The following RANBP2 variants were observed in gnomAD, a reference collection of about 807,000 sequenced individuals.
RANBP2 encodes RAN binding protein 2, also known as E3 SUMO-protein ligase RanBP2.
Under a neutral mutation model 303.6 loss-of-function variants are expected in RANBP2, and 57 were observed. That is an observed-to-expected ratio of 0.19 (90% CI 0.15 to 0.23). The LOEUF is 0.23. RANBP2 is among the 10% of genes least tolerant of loss of function. The probability of loss-of-function intolerance (pLI) is 1.00; values close to 1 mark genes in which losing one functional copy is unlikely to be tolerated. For missense variants in RANBP2, 3,138 were observed against 3,780.8 expected, an observed-to-expected ratio of 0.83 and a Z score of 4.46; for synonymous variants, 1,167 against 1,301.5, an observed-to-expected ratio of 0.90 and a Z score of 2.23.
At chr2:109,451,437 C>G in the RANBP2 span, among the ~76,000 whole-genome samples, 10 of 152,204 alleles carry the variant, frequency 6.6e-5, no homozygotes, top group Non-Finnish European at 1.2e-4. Flanking sequence ...GTTCCTTAAG[C>G]ATTTCTAGTT....
At chr2:109,478,924 A>G in the RANBP2 span, among the ~76,000 whole-genome samples, 1 of 152,174 alleles carries the variant, frequency 6.6e-6, no homozygotes. Context: ...GGGGCAGGGC[A>G]TGACAGGAAG....
chr2:109,130,179 G>C, the RANBP2 span: 3 of 1,238,006 alleles, frequency 2.4e-6, no homozygotes, highest in Non-Finnish European at 2.0e-6. Flanking sequence ...GCTTGGGCGT[G>C]GGGGGCAGTG....
chr2:109,594,622 C>T, the RANBP2 span: 4 of 152,266 alleles, frequency 2.6e-5, no homozygotes, highest in Non-Finnish European at 5.9e-5. Flanking sequence ...TCTGCAATTA[C>T]AATGAACCAT....
chr2:109,498,062 C>T, the RANBP2 span, among the ~76,000 whole-genome samples: 4 of 152,296 alleles, frequency 2.6e-5, no homozygotes, highest in South Asian at 8.3e-4. Flanking sequence ...TGCATCCCGG[C>T]AGCCATCTGT....
At chr2:108,996,872 C>A in the RANBP2 span, among the ~76,000 whole-genome samples, 1 of 152,192 alleles carries the variant, frequency 6.6e-6, no homozygotes, top group Non-Finnish European at 1.5e-5. Flanking sequence ...GTGGCCCCAC[C>A]ATCTGCCTCT....
chr2:109,414,300 C>T, the RANBP2 span, among the ~76,000 whole-genome samples: 1 of 152,212 alleles, frequency 6.6e-6, no homozygotes, highest in African/African-American at 2.4e-5. Context: ...ACTTCATACT[C>T]CAGCTGTCTA....
At chr2:109,114,071 A>G in the RANBP2 span, among the ~76,000 whole-genome samples, 1 of 152,178 alleles carries the variant, frequency 6.6e-6, no homozygotes, top group Admixed American at 6.5e-5. Flanking sequence ...ATCAATGTTC[A>G]TCAAGGATAT....
intron 2 of RANBP2, 98 bp downstream of exon 2, chr2:108,729,297 C>G: frequency 7.8e-7 from 1 of 1,279,958 alleles, no homozygotes; most frequent in Non-Finnish European, 1.1e-6. Flanking sequence ...AGTAGTTCTT[C>G]CTAAGTGTAT....
At chr2:109,545,498 G>A in the RANBP2 span, 2 of 1,536,078 alleles carry the variant, frequency 1.3e-6, no homozygotes, top group South Asian at 2.4e-5. Context: ...GGTTTCACAA[G>A]CTCTGACATC....
At chr2:109,406,775 A>G in the RANBP2 span, among the ~76,000 whole-genome samples, 6 of 152,078 alleles carry the variant, frequency 3.9e-5, no homozygotes, top group East Asian at 3.9e-4. Flanking sequence ...CTCCAGGACC[A>G]TAGCAGGGGC....
the RANBP2 span, among the ~76,000 whole-genome samples, chr2:109,396,882 T>C: frequency 1.3e-5 from 2 of 152,274 alleles, no homozygotes; most frequent in African/African-American, 4.8e-5. Flanking sequence ...TTGCCTGCTG[T>C]GGTTCCCACC....
chr2:109,343,142 A>G, the RANBP2 span, among the ~76,000 whole-genome samples: 18 of 152,244 alleles, frequency 1.2e-4, no homozygotes, highest in African/African-American at 4.1e-4. Context: ...AGAGGCCTCC[A>G]GGTTGCTGCC....
At chr2:109,137,127 CAT>C in the RANBP2 span, among the ~76,000 whole-genome samples, 2 of 152,268 alleles carry the variant, frequency 1.3e-5, no homozygotes, top group Non-Finnish European at 1.5e-5. Context: ...CAGAGGAAAA[CAT>C]GTGTCTATAT....
the RANBP2 span, among the ~76,000 whole-genome samples, chr2:108,933,097 C>A: frequency 1.3e-5 from 2 of 152,194 alleles, no homozygotes; most frequent in Non-Finnish European, 2.9e-5. Flanking sequence ...TCCTGGAACA[C>A]CAAGCAGGGC....
the RANBP2 span, among the ~76,000 whole-genome samples, chr2:109,023,742 G>C: frequency 6.6e-6 from 1 of 152,108 alleles, no homozygotes; most frequent in Non-Finnish European, 1.5e-5. Context: ...CCAGGAGTTT[G>C]GGGCTGCAGT....
the RANBP2 span, among the ~76,000 whole-genome samples, chr2:109,480,413 G>C: frequency 6.6e-6 from 1 of 152,186 alleles, no homozygotes; most frequent in African/African-American, 2.4e-5. Context: ...AGTGAAGCCA[G>C]CTAAGATGGC....
the RANBP2 span, among the ~76,000 whole-genome samples, chr2:109,384,692 C>T: frequency 2.8e-4 from 43 of 152,160 alleles, no homozygotes; most frequent in African/African-American, 1.0e-3. Flanking sequence ...CCTAAGCCCA[C>T]CCCCGCTTTG....
the RANBP2 span, among the ~76,000 whole-genome samples, chr2:109,209,954 C>T: frequency 1.3e-5 from 2 of 152,184 alleles, no homozygotes; most frequent in African/African-American, 4.8e-5. Context: ...AAACTGTGTC[C>T]CCATTAAACA....
the RANBP2 span, among the ~76,000 whole-genome samples, chr2:109,447,169 G>GAAAAGA: frequency 3.3e-5 from 4 of 120,746 alleles, no homozygotes; most frequent in Non-Finnish European, 5.2e-5. Flanking sequence ...AAAAAAAAAA[G>GAAAAGA]AAAAGAAAAA....
Sources: gnomAD v4.1 joint callset for allele counts (sites outside exome capture counted in the v4.1 genomes callset) on GRCh38, gnomAD v4.1.1 for gene constraint, MANE v1.5 for transcripts, NCBI Gene and HGNC (gene_info 2026-07-23, HGNC 2026-07-21) for gene names.